CXCL12: variants seen among roughly 807,000 people sequenced by gnomAD.
CXCL12 encodes the protein stromal cell-derived factor 1.
Under a neutral mutation model 10.7 loss-of-function variants are expected in CXCL12, and 4 were observed. That is an observed-to-expected ratio of 0.37 (90% CI 0.18 to 0.86). CXCL12 has a LOEUF of 0.86. CXCL12 is among the 40% of genes least tolerant of loss of function. CXCL12 has a pLI of 0.43. For synonymous variants in CXCL12, 54 were observed against 45.4 expected (o/e 1.19, Z -0.77); for missense variants, 122 against 110.4 (o/e 1.10, Z -0.47).
chr10:44,382,666 A>G (rs17879548), intron 1 of CXCL12, among the ~76,000 whole-genome samples: 11,446 of 152,118 alleles, frequency 0.075, 486 homozygotes, highest in Non-Finnish European at 0.096. Context: ...TTCAGAGCTC[A>G]ACACACAGGC....
downstream of CXCL12, chr10:44,376,120 A>G (rs1037884175): frequency 1.9e-5 from 26 of 1,403,410 alleles, no homozygotes; most frequent in Admixed American, 3.8e-4. Context: ...TGGCCCGTGT[A>G]CTGGTTAAAC....
Position 44,384,980 on chromosome 10 carries a change from A to G in CXCL12, c.26T>C (p.Leu9Pro). 8.0e-7 allele frequency: 1 copy of G among 1,250,672 alleles called. No homozygotes were observed. Among genetic ancestry groups the G allele is most frequent in the East Asian group, 6.2e-5 (1 of 16,186 alleles). The allele number at this position is 1,250,672 out of a possible 1,614,324, so 77.5% of individuals were successfully genotyped here. A position where few individuals can be genotyped will look rare whatever the true frequency, so the allele number is the denominator to read the frequency against. Residue 9 changes from leucine to proline, a missense_variant, in exon 1 of 3, where the codon CTG becomes CCG. Physicochemically the swap from Leu to Pro is moderately conservative, Grantham distance 98. Transcript: ENST00000343575. MNAKVVVV[L>P]VLVLTALCLS... ...GCAGAGCGCGGTCAGCACGAGGACCAGCACGACCACGACCTTGGCGTTCAT... is the reference window on the plus strand; with the variant it reads ...GCAGAGCGCGGTCAGCACGAGGACCGGCACGACCACGACCTTGGCGTTCAT...
chr10:44,374,496 A>C (rs752489370), downstream of CXCL12: 1 of 456,090 alleles, frequency 2.2e-6, no homozygotes, highest in South Asian at 1.5e-5. Context: ...CCCAGGGCTC[A>C]GGCCTGTGAC....
chr10:44,375,343 C>T (rs1839423780), downstream of CXCL12, among the ~76,000 whole-genome samples: 1 of 152,270 alleles, frequency 6.6e-6, no homozygotes. Flanking sequence ...GAAGAAGCCC[C>T]TTCCCAGGTG....
chr10:44,378,140 G>C lies in CXCL12; in HGVS notation c.*493C>G. The C allele has an allele frequency of 7.0e-7, 1 of 1,435,884 alleles. No individual in the cohort carries two copies. The highest frequency in any genetic ancestry group is 9.1e-7 in the Non-Finnish European group (1 of 1,098,504). 88.9% of individuals were successfully genotyped at this position (1,435,884 alleles called of 1,614,324 possible). On this transcript the variant is annotated 3_prime_UTR_variant, in exon 3 of 3. Coordinates refer to ENST00000343575, the MANE Select transcript of CXCL12 (RefSeq NM_199168.4). ...CCTCTTGGGAGGGGCGCTGCTGCGG[G>C]AGCCTCAGTGTCTGAAGAAAGGACA...
downstream of CXCL12, chr10:44,374,470 C>T (rs1839397008): frequency 4.4e-6 from 2 of 455,924 alleles, no homozygotes; most frequent in African/African-American, 4.0e-5. Flanking sequence ...GGGCAGAAGA[C>T]TAGGGCACCC....
chr10:44,373,770 G>C (rs574600767), downstream of CXCL12, among the ~76,000 whole-genome samples: 4 of 152,148 alleles, frequency 2.6e-5, no homozygotes, highest in Non-Finnish European at 5.9e-5. Context: ...CTTCGCCCTC[G>C]GGGCCTCTCA....
At chr10:44,384,166 C>T (rs1839723134) in intron 1 of CXCL12, among the ~76,000 whole-genome samples, 1 of 152,168 alleles carries the variant, frequency 6.6e-6, no homozygotes, top group Non-Finnish European at 1.5e-5. Context: ...GACAAAAGAG[C>T]CTGTCTGCAG....
chr10:44,374,463 C>A (rs1226863127), downstream of CXCL12: 1 of 455,948 alleles, frequency 2.2e-6, no homozygotes, highest in Non-Finnish European at 4.4e-6. Flanking sequence ...GTGGGGAGGG[C>A]AGAAGACTAG....
intron 1 of CXCL12, 29 bp from the exon 2 acceptor site, chr10:44,380,909 T>C (rs1839611084): frequency 6.3e-7 from 1 of 1,587,738 alleles, no homozygotes; most frequent in East Asian, 2.2e-5. Flanking sequence ...ACAAGGCACT[T>C]TACTACCCTG....
chr10:44,375,956 G>A, downstream of CXCL12: 1 of 1,612,504 alleles, frequency 6.2e-7, no homozygotes, highest in Non-Finnish European at 8.5e-7. Flanking sequence ...TTCCTTTTCT[G>A]GGCAGCCTTT....
chr10:44,372,952 C>G (rs1839350640), downstream of CXCL12: 3 of 1,536,018 alleles, frequency 2.0e-6, no homozygotes, highest in Non-Finnish European at 2.6e-6. Flanking sequence ...GCTCTCCACC[C>G]TAGGGCTGAC....
chr10:44,377,123 A>G lies in CXCL12; in HGVS notation c.*1510T>C. 1 of 985,988 alleles carries G rather than the reference A, an allele frequency of 1.0e-6. No individual in the cohort carries two copies. Among genetic ancestry groups the G allele is most frequent in the Non-Finnish European group, 1.2e-6 (1 of 830,352 alleles). 61.1% of individuals were successfully genotyped at this position (985,988 alleles called of 1,614,324 possible). On this transcript the variant is annotated 3_prime_UTR_variant, in exon 3 of 3. Coordinates refer to ENST00000343575, the MANE Select transcript of CXCL12 (RefSeq NM_199168.4). ...AGGTAAATAAATTCCCACATACAGT[A>G]GGACGTTTATACCATGAAACAATTA... is the stretch of plus-strand genomic sequence containing the variant.
At chr10:44,376,523 A>C (rs1010889537), downstream of CXCL12, among the ~76,000 whole-genome samples, 1 of 152,206 alleles carries the variant, frequency 6.6e-6, no homozygotes, top group African/African-American at 2.4e-5. Context: ...GAGGAGAAAA[A>C]AGGCAGTGGT....
At chr10:44,374,722 C>T (rs1433876094), downstream of CXCL12, 1 of 454,650 alleles carries the variant, frequency 2.2e-6, no homozygotes, top group Non-Finnish European at 4.4e-6. Context: ...GGGTTTTCTC[C>T]TGAATTCCAT....
intron 2 of CXCL12, among the ~76,000 whole-genome samples, chr10:44,379,381 C>G (rs1356723899): frequency 6.6e-6 from 1 of 152,188 alleles, no homozygotes; most frequent in Admixed American, 6.5e-5. Flanking sequence ...TAAAAGTTCA[C>G]ACTCTTAAAA....
downstream of CXCL12, chr10:44,373,003 C>G (rs1007504783): frequency 3.9e-6 from 6 of 1,535,942 alleles, no homozygotes; most frequent in Non-Finnish European, 5.2e-6. Flanking sequence ...CCCACCTGCA[C>G]AGCTCAGAGA....
chr10:44,378,096 T>C lies in CXCL12; in HGVS notation c.*537A>G, dbSNP rs1384467526. On this transcript the variant is annotated 3_prime_UTR_variant, in exon 3 of 3. Transcript: ENST00000343575. ...GCGGCGCCCAGCCCCAGTCGGTATC[T>C]GAGTGCCACAGAGGCCTTCCTCTTG... 6.9e-7 allele frequency: 1 copy of C among 1,449,812 alleles called. No individual in the cohort carries two copies. The highest frequency in any genetic ancestry group is 1.4e-5 in the African/African-American group (1 of 69,974). 89.8% of individuals were successfully genotyped at this position (1,449,812 alleles called of 1,614,324 possible). A position where few individuals can be genotyped will look rare whatever the true frequency, so the allele number is the denominator to read the frequency against.
rs1167656997 is a variant in CXCL12 at position 44,377,813 on chromosome 10, GC to G, written c.*819del. 6.3e-7 allele frequency: 1 copy of G among 1,597,326 alleles called. No individual in the cohort carries two copies. The highest frequency in any genetic ancestry group is 8.5e-7 in the Non-Finnish European group (1 of 1,179,504). On this transcript the variant is annotated 3_prime_UTR_variant, in exon 3 of 3. Transcript: ENST00000343575. ...AGGCCAAAGACGGATCTCACAGAGGGCCCGAGCTGTGGGGCAGGCCCTGGGA... is the reference window on the plus strand; with the variant it reads ...AGGCCAAAGACGGATCTCACAGAGGGCCGAGCTGTGGGGCAGGCCCTGGGA...
Sources: allele counts gnomAD v4.1 joint callset (sites outside exome capture counted in the v4.1 genomes callset), GRCh38; gene constraint gnomAD v4.1.1; transcripts MANE v1.5; gene names NCBI Gene and HGNC (gene_info 2026-07-23, HGNC 2026-07-21).